FBXW8: variants seen among roughly 807,000 people sequenced by gnomAD.
FBXW8 encodes the protein F-box/WD repeat-containing protein 8.
FBXW8 carries 57 observed loss-of-function variants against 65.3 expected under a neutral mutation model. The ratio of observed to expected loss-of-function variants is 0.87; its 90% CI spans 0.71 to 1.09. The LOEUF is 1.09. Ranked by LOEUF, FBXW8 falls within the 50% of genes least tolerant of loss-of-function variation. The pLI is 0.00. For missense variants in FBXW8, 777 were observed against 814.8 expected (o/e 0.95, Z 0.57); for synonymous variants, 308 against 330.2 (o/e 0.93, Z 0.73).
chr12:116,966,102 C>T (rs1047827794), intron 5 of FBXW8, among the ~76,000 whole-genome samples: 13 of 151,978 alleles, frequency 8.6e-5, no homozygotes, highest in Non-Finnish European at 1.2e-4. Flanking sequence ...ACTTTAGCAA[C>T]GTGATGTTGG....
chr12:117,017,171 T>C (rs1743167189), intron 8 of FBXW8, among the ~76,000 whole-genome samples: 1 of 152,222 alleles, frequency 6.6e-6, no homozygotes, highest in Non-Finnish European at 1.5e-5. Flanking sequence ...AACTAAATGT[T>C]TTAGTATTTC....
In FBXW8 at chr12:116,996,308, G is replaced by A. The variant is rs150776814; in HGVS notation, c.1239+7439G>A. Among the ~76,000 whole-genome samples the A allele has an allele frequency of 2.3e-3, 346 of 152,246 alleles. 2 individuals carry two copies. Among genetic ancestry groups the A allele is most frequent in the African/African-American group, 5.7e-3 (237 of 41,536 alleles). ...ATCACGCTGGAAAATCATTGCTAAC[G>A]TCTCTTATGATAATTATTCCCCATA... On this transcript the variant is annotated intron_variant, in intron 7 of 10. Coordinates refer to ENST00000652555, the MANE Select transcript of FBXW8 (RefSeq NM_153348.3).
chr12:116,949,914 C>T (rs1213108537), intron 4 of FBXW8: 7 of 547,254 alleles, frequency 1.3e-5, no homozygotes, highest in East Asian at 3.0e-5. Context: ...TGGTGTAGAG[C>T]GGATCTGTGA....
intron 4 of FBXW8, among the ~76,000 whole-genome samples, chr12:116,951,762 T>C (rs949055959): frequency 2.0e-5 from 3 of 152,174 alleles, no homozygotes; most frequent in African/African-American, 7.2e-5. Flanking sequence ...GTGAACCTCA[T>C]GATGGACCCA....
chr12:116,923,077 G>A (rs1399580976), intron 1 of FBXW8, among the ~76,000 whole-genome samples: 1 of 152,110 alleles, frequency 6.6e-6, no homozygotes, highest in African/African-American at 2.4e-5. Context: ...GTGGTGATGT[G>A]TGCCTGTAAT....
Position 116,989,678 on chromosome 12 carries a change from G to A in FBXW8, c.1239+809G>A. ...TTTATAGAACTCTCCCTACCAGTGG[G>A]ACCAAGGGGGAGAGAGAGAAAGTTT... On this transcript the variant is annotated intron_variant, in intron 7 of 10. Coordinates refer to ENST00000652555, the MANE Select transcript of FBXW8 (RefSeq NM_153348.3). 1.3e-5 allele frequency among the ~76,000 whole-genome samples: 2 copies of A among 152,182 alleles called. 1 individual carries two copies.
At chr12:116,912,675 G>A (rs184876714) in intron 1 of FBXW8, among the ~76,000 whole-genome samples, 2 of 152,092 alleles carry the variant, frequency 1.3e-5, no homozygotes, top group Non-Finnish European at 2.9e-5. Context: ...GTGTTAGCCA[G>A]GATGGTCTCG....
intron 6 of FBXW8, among the ~76,000 whole-genome samples, chr12:116,987,572 T>C (rs1357654461): frequency 6.6e-6 from 1 of 152,218 alleles, no homozygotes; most frequent in Non-Finnish European, 1.5e-5. Flanking sequence ...CCTGATGACG[T>C]TGAAACCAGG....
intron 2 of FBXW8, among the ~76,000 whole-genome samples, chr12:116,943,737 A>G (rs1882755726): frequency 1.3e-5 from 2 of 152,186 alleles, no homozygotes; most frequent in African/African-American, 4.8e-5. Context: ...CCAGGAATAT[A>G]TTGGAGCCTT....
chr12:117,018,339 T>G (rs947131297), intron 8 of FBXW8, among the ~76,000 whole-genome samples: 1 of 152,240 alleles, frequency 6.6e-6, no homozygotes, highest in Non-Finnish European at 1.5e-5. Context: ...TAGATGGGGA[T>G]TCACAATATC....
rs546979437 is a variant in FBXW8 at position 116,966,022 on chromosome 12, C to G, written c.835+1168C>G. On this transcript the variant is annotated intron_variant, in intron 5 of 10. Transcript: ENST00000652555. ...AAACTATCCACCTGCTTCAGCCTCC[C>G]AAAGTGCTAGCATTATAGGCATAAG... 8.8e-4 allele frequency among the ~76,000 whole-genome samples: 134 copies of G among 151,982 alleles called. 4 individuals carry two copies. Among genetic ancestry groups the G allele is most frequent in the Non-Finnish European group, 2.5e-4 (17 of 67,978 alleles).
chr12:116,993,098 CTTTTTTTTTTTTTTT>C (rs71099026), intron 7 of FBXW8, among the ~76,000 whole-genome samples: 1 of 85,420 alleles, frequency 1.2e-5, no homozygotes, highest in African/African-American at 4.6e-5. Context: ...TGATTTTTGA[CTTTTTTTTTTTTTTT>C]TTTTTTTTGA....
chr12:116,965,287 G>T (rs1288814256), intron 5 of FBXW8, among the ~76,000 whole-genome samples: 1 of 152,186 alleles, frequency 6.6e-6, no homozygotes, highest in East Asian at 1.9e-4. Flanking sequence ...AAAAGTCAGT[G>T]CCTACCTTTT....
intron 8 of FBXW8, among the ~76,000 whole-genome samples, chr12:117,017,305 G>T (rs182009350): frequency 6.6e-6 from 1 of 152,120 alleles, no homozygotes. Context: ...ATCTAATGCC[G>T]GTCCAGAAAG....
intron 4 of FBXW8, among the ~76,000 whole-genome samples, chr12:116,958,978 A>G (rs985156788): frequency 6.6e-6 from 1 of 152,194 alleles, no homozygotes; most frequent in Admixed American, 6.5e-5. Context: ...AAGCCTCATA[A>G]CAGGGCCCCT....
Position 116,972,894 on chromosome 12 carries a change from C to T in FBXW8, c.835+8040C>T, listed in dbSNP as rs531041760. On this transcript the variant is annotated intron_variant, in intron 5 of 10. Coordinates refer to ENST00000652555, the MANE Select transcript of FBXW8 (RefSeq NM_153348.3). Reference sequence around the variant, plus strand: ...TCAACAGCCCAGCTGTTGAAAGTATCACTATCTACTAAAAGGAACCAGGGA... The same window carrying T: ...TCAACAGCCCAGCTGTTGAAAGTATTACTATCTACTAAAAGGAACCAGGGA... Among the ~76,000 whole-genome samples the T allele has an allele frequency of 4.6e-5, 7 of 152,236 alleles. No individual in the cohort carries two copies. In the South Asian group the frequency reaches 1.5e-3, roughly 32 times the overall value.
At chr12:117,013,307 T>C (rs1953870122) in intron 8 of FBXW8, among the ~76,000 whole-genome samples, 1 of 151,894 alleles carries the variant, frequency 6.6e-6, no homozygotes, top group Non-Finnish European at 1.5e-5. Context: ...AAGATTGGGG[T>C]GGAAACTGAG....
Position 117,028,467 on chromosome 12 carries a change from G to A in FBXW8, c.*295G>A, listed in dbSNP as rs182204362. On this transcript the variant is annotated 3_prime_UTR_variant, in exon 11 of 11. Coordinates refer to ENST00000652555, the MANE Select transcript of FBXW8 (RefSeq NM_153348.3). The surrounding 1 kb of genome is among the most constrained non-coding windows in gnomAD (Gnocchi z 4.1). ...CAGGACGCCTCAGGGATCTCGCTGC[G>A]CGGTCCTATACGGTCCCTGCTTAGC... 270 of 445,014 alleles carry A rather than the reference G, an allele frequency of 6.1e-4. No individual in the cohort carries two copies. The highest frequency in any genetic ancestry group is 4.8e-3 in the African/African-American group (240 of 50,436). The allele number at this position is 445,014 out of a possible 1,614,324, so 27.6% of individuals were successfully genotyped here.
In FBXW8 at chr12:117,010,306, TTC is replaced by T; in HGVS notation, c.1240-13_1240-12del. 6.2e-7 allele frequency: 1 copy of T among 1,614,174 alleles called. No individual in the cohort carries two copies. Among genetic ancestry groups the T allele is most frequent in the South Asian group, 1.1e-5 (1 of 91,080 alleles). On this transcript the variant is annotated splice_polypyrimidine_tract_variant and intron_variant, in intron 7 of 10. Coordinates refer to ENST00000652555, the MANE Select transcript of FBXW8 (RefSeq NM_153348.3). ...TGTGTGGAATTGTGGGCCCACACAT[TTC>T]TCTTCCTCTCTCAGATCCTGGTGTA...
Sources: allele counts gnomAD v4.1 joint callset (sites outside exome capture counted in the v4.1 genomes callset), GRCh38; gene constraint gnomAD v4.1.1; non-coding constraint Gnocchi (gnomAD v3.1); transcripts MANE v1.5; gene names NCBI Gene and HGNC (gene_info 2026-07-23, HGNC 2026-07-21).